Variants in CERS1 observed in about 807,000 individuals in gnomAD.
CERS1 encodes Embryonic growth/differentiation factor 1.
CERS1 carries 16 observed loss-of-function variants against 35.7 expected under a neutral mutation model. That is an observed-to-expected ratio of 0.45 (90% CI 0.30 to 0.68). CERS1 has a LOEUF of 0.68. Ranked by LOEUF, CERS1 falls within the 30% of genes least tolerant of loss-of-function variation. The pLI is 0.08. For missense variants in CERS1, 454 were observed against 453.9 expected, an observed-to-expected ratio of 1.00 and a Z score of 0.00; for synonymous variants, 243 against 201.6, an observed-to-expected ratio of 1.21 and a Z score of -1.74.
chr19:18,895,770 T>A lies in CERS1; in HGVS notation c.249+54A>T. The A allele has an allele frequency of 9.8e-7, 1 of 1,025,388 alleles. No individual in the cohort carries two copies. Among genetic ancestry groups the A allele is most frequent in the Non-Finnish European group, 1.2e-6 (1 of 819,072 alleles). 63.5% of individuals were successfully genotyped at this position (1,025,388 alleles called of 1,614,324 possible). On this transcript the variant is annotated intron_variant, in intron 1 of 7. Transcript: ENST00000623882. The surrounding 1 kb of genome is among the most constrained non-coding windows in gnomAD (Gnocchi z 6.4). ...CGCGCCGGCGGCCCCAGGTCCCCGG[T>A]CCCGGCTTCCCCCAGTCCGGGGTCC...
intron 2 of CERS1, among the ~76,000 whole-genome samples, chr19:18,890,899 G>A (rs1349526956): frequency 1.3e-5 from 2 of 151,912 alleles, no homozygotes; most frequent in Non-Finnish European, 2.9e-5. Context: ...TGAGGCGGGC[G>A]GATCACCTGA....
At chr19:18,880,174 G>C in intron 4 of CERS1, 100 bp downstream of exon 4, 4 of 1,207,288 alleles carry the variant, frequency 3.3e-6, no homozygotes, top group East Asian at 6.0e-5. Flanking sequence ...CCACCTCACC[G>C]GGCCCCGCCT....
chr19:18,886,248 A>T (rs1313855797), intron 2 of CERS1, among the ~76,000 whole-genome samples: 1 of 151,964 alleles, frequency 6.6e-6, no homozygotes, highest in Non-Finnish European at 1.5e-5. Context: ...TCTGCAAAAA[A>T]ATATATAAAA....
intron 3 of CERS1, among the ~76,000 whole-genome samples, chr19:18,880,939 T>A (rs1366141562): frequency 6.6e-6 from 1 of 152,172 alleles, no homozygotes; most frequent in Non-Finnish European, 1.5e-5. Flanking sequence ...GCTCAAGCGA[T>A]CTTCTCACCT....
intron 2 of CERS1, among the ~76,000 whole-genome samples, chr19:18,886,870 C>G (rs1215652061): frequency 6.6e-6 from 1 of 152,250 alleles, no homozygotes; most frequent in Admixed American, 6.5e-5. Flanking sequence ...CATGCCACCC[C>G]CACCCCAGTC....
At chr19:18,880,049 C>T (rs1288205646) in intron 4 of CERS1, among the ~76,000 whole-genome samples, 1 of 151,918 alleles carries the variant, frequency 6.6e-6, no homozygotes, top group East Asian at 2.0e-4. Flanking sequence ...TCCTTTTCTG[C>T]CCAGCCCCAC....
chr19:18,890,020 C>T (rs2056453257), intron 2 of CERS1, among the ~76,000 whole-genome samples: 1 of 152,246 alleles, frequency 6.6e-6, no homozygotes, highest in Admixed American at 6.5e-5. Context: ...CTGTCAGCCC[C>T]CTCCTGGACC....
Position 18,895,890 on chromosome 19 carries a change from C to A in CERS1, c.183G>T (p.Leu61=), listed in dbSNP as rs2056614156. ...AGCCCAGCGCGCCGAGCGCCAGCAG[C>A]AGCAGCTCGGGCGGCGCCAGGTGCG... is the stretch of plus-strand genomic sequence containing the variant. The part of the protein sequence containing the change: ...EHAHLAPPEL[L]LLALGALGWT... Residue 61 remains leucine, a synonymous_variant, in exon 1 of 8, where the codon CTG becomes CTT. Coordinates refer to ENST00000623882, the MANE Select transcript of CERS1 (RefSeq NM_021267.5). The surrounding 1 kb of genome is among the most constrained non-coding windows in gnomAD (Gnocchi z 6.4). 1 of 1,273,184 alleles carries A rather than the reference C, an allele frequency of 7.9e-7. No individual in the cohort carries two copies. Among genetic ancestry groups the A allele is most frequent in the Non-Finnish European group, 9.9e-7 (1 of 1,010,454 alleles). The allele number at this position is 1,273,184 out of a possible 1,614,324, so 78.9% of individuals were successfully genotyped here. A position where few individuals can be genotyped will look rare whatever the true frequency, so the allele number is the denominator to read the frequency against.
At position 18,870,690 on chromosome 19, in the gene CERS1, T is replaced by C; in HGVS notation, c.1011-71A>G. ...CCGCCTGGCCCTCTTTCCCGCTTCTTCTCTGGCCGTTTCACACCCCCTGGC... is the reference window on the plus strand; with the variant it reads ...CCGCCTGGCCCTCTTTCCCGCTTCTCCTCTGGCCGTTTCACACCCCCTGGC... On this transcript the variant is annotated intron_variant, in intron 6 of 7. Coordinates refer to ENST00000623882, the MANE Select transcript of CERS1 (RefSeq NM_021267.5). This position sits in a 1 kb window ranked among gnomAD's most constrained non-coding sequence, Gnocchi z 5.1. 2.0e-6 allele frequency: 1 copy of C among 502,326 alleles called. No homozygotes were observed. Among genetic ancestry groups the C allele is most frequent in the Non-Finnish European group, 3.6e-6 (1 of 277,310 alleles). 31.1% of individuals were successfully genotyped at this position (502,326 alleles called of 1,614,324 possible).
intron 3 of CERS1, among the ~76,000 whole-genome samples, 196 bp from the exon 4 acceptor site, chr19:18,880,631 C>T (rs185010369): frequency 9.9e-5 from 15 of 152,094 alleles, no homozygotes; most frequent in African/African-American, 3.4e-4. Context: ...CCCACTTAGC[C>T]GTGCACCCCC....
At position 18,869,131 on chromosome 19, in the gene CERS1, G is replaced by A. The variant is rs1010776708; in HGVS notation, c.*854C>T. On this transcript the variant is annotated 3_prime_UTR_variant, in exon 8 of 8. Coordinates refer to ENST00000623882, the MANE Select transcript of CERS1 (RefSeq NM_021267.5). ...CCCAAGCGGCGCCCAGCAGCTCCGC[G>A]CGCACTGGCGGCCCCAGGGCGGGCA... 2 of 1,100,016 alleles carry A rather than the reference G, an allele frequency of 1.8e-6. No homozygotes were observed. Among genetic ancestry groups the A allele is most frequent in the Admixed American group, 5.2e-5 (1 of 19,156 alleles). The allele number at this position is 1,100,016 out of a possible 1,614,324, so 68.1% of individuals were successfully genotyped here. A position where few individuals can be genotyped will look rare whatever the true frequency, so the allele number is the denominator to read the frequency against.
At chr19:18,886,164 G>A (rs1315130739) in intron 2 of CERS1, among the ~76,000 whole-genome samples, 1 of 150,646 alleles carries the variant, frequency 6.6e-6, no homozygotes, top group Non-Finnish European at 1.5e-5. Context: ...CCAGCATTTT[G>A]AGAGGCCGAG....
intron 6 of CERS1, among the ~76,000 whole-genome samples, chr19:18,875,362 A>G (rs1374323570): frequency 6.6e-6 from 1 of 152,096 alleles, no homozygotes; most frequent in Non-Finnish European, 1.5e-5. Flanking sequence ...CCTGGCCAAC[A>G]TGGTGAAACC....
chr19:18,888,924 C>T (rs1233299501), intron 2 of CERS1, among the ~76,000 whole-genome samples: 2 of 135,412 alleles, frequency 1.5e-5, no homozygotes, highest in Admixed American at 7.8e-5. Context: ...CAGAGTCTTG[C>T]TCTGTCGCCT....
chr19:18,890,624 CAAAA>C (rs1157774081), intron 2 of CERS1, among the ~76,000 whole-genome samples: 1 of 147,416 alleles, frequency 6.8e-6, no homozygotes, highest in African/African-American at 2.5e-5. Flanking sequence ...CCAAAAAACA[CAAAA>C]AAATTCGCTG....
intron 6 of CERS1, among the ~76,000 whole-genome samples, chr19:18,874,879 C>T (rs1308185753): frequency 3.9e-5 from 6 of 152,146 alleles, no homozygotes; most frequent in East Asian, 3.9e-4. Context: ...ATTTGCTTCA[C>T]GCCTCCTGAG....
chr19:18,875,415 C>T (rs977295501), intron 6 of CERS1, among the ~76,000 whole-genome samples: 12 of 151,550 alleles, frequency 7.9e-5, no homozygotes, highest in African/African-American at 2.9e-4. Flanking sequence ...TGGTGACACA[C>T]GCCTGTAGTC....
chr19:18,885,081 G>T (rs1285492224), intron 2 of CERS1, among the ~76,000 whole-genome samples: 2 of 152,138 alleles, frequency 1.3e-5, no homozygotes, highest in Non-Finnish European at 2.9e-5. Context: ...AGGACAGAAA[G>T]TTCCTTTCTT....
At chr19:18,896,291 G>C (rs2056625956), upstream of CERS1, 1 of 149,426 alleles carries the variant, frequency 6.7e-6, no homozygotes, top group Admixed American at 6.6e-5. This position sits in a 1 kb window ranked among gnomAD's most constrained non-coding sequence, Gnocchi z 5.9. Flanking sequence ...CCGCGCCCCT[G>C]CCCGTTTCCC....
Sources: gnomAD v4.1 joint callset for allele counts (sites outside exome capture counted in the v4.1 genomes callset) on GRCh38, gnomAD v4.1.1 for gene constraint, Gnocchi (gnomAD v3.1) non-coding constraint, MANE v1.5 for transcripts, NCBI Gene and HGNC (gene_info 2026-07-23, HGNC 2026-07-21) for gene names.